Variants in JAKMIP3 observed in about 807,000 individuals in gnomAD.
JAKMIP3 encodes Janus kinase and microtubule interacting protein 3, also known as janus kinase and microtubule-interacting protein 3.
JAKMIP3 carries 58 observed loss-of-function variants against 118.5 expected under a neutral mutation model. The ratio of observed to expected loss-of-function variants is 0.49; its 90% CI spans 0.40 to 0.61. JAKMIP3 has a LOEUF of 0.61. Ranked by LOEUF, JAKMIP3 falls within the 20% of genes least tolerant of loss-of-function variation. The pLI is 0.00. For missense variants in JAKMIP3, 950 were observed against 1,109.0 expected (o/e 0.86, Z 2.04); for synonymous variants, 486 against 451.2 (o/e 1.08, Z -0.98).
In JAKMIP3 at chr10:132,167,087, G is replaced by GTCCCGCTCTGCT. The variant is rs576408629; in HGVS notation, c.*22+38_*22+49dup. 553 of 1,448,666 alleles carry GTCCCGCTCTGCT rather than the reference G, an allele frequency of 3.8e-4. 4 individuals carry two copies. The African/African-American group carries it at 6.1e-3, about 16-fold the overall frequency. 89.7% of individuals were successfully genotyped at this position (1,448,666 alleles called of 1,614,324 possible). A position where few individuals can be genotyped will look rare whatever the true frequency, so the allele number is the denominator to read the frequency against. On this transcript the variant is annotated intron_variant, in intron 22 of 23. Transcript: ENST00000684848. ...ATTTCGTTGGCAGGGCCCAGCAGGG[G>GTCCCGCTCTGCT]TCCCGCTCTGCTTCCCGGAAGACTC...
At chr10:132,067,858 A>ACGTGTGGACTGTGGGCTTC (rs2039105711) in intron 1 of JAKMIP3, among the ~76,000 whole-genome samples, 1 of 32,594 alleles carries the variant, frequency 3.1e-5, no homozygotes. Flanking sequence ...CTGTGGGCTT[A>ACGTGTGGACTGTGGGCTTC]CGTGTGGACT....
rs1025521651 is a variant in JAKMIP3, at chr10:132,055,460, CT to C, written c.-138+18729del. Among the ~76,000 whole-genome samples, 8 of 152,272 alleles carry C rather than the reference CT, an allele frequency of 5.3e-5. 1 individual carries two copies. The South Asian group carries it at 1.2e-3, about 24-fold the overall frequency. ...GCATAAGAAAATTAAAATGCAACATCTTTTTTTCTTCAATGTTTGGAAAGAA... is the reference window on the plus strand; with the variant it reads ...GCATAAGAAAATTAAAATGCAACATCTTTTTTCTTCAATGTTTGGAAAGAA... On this transcript the variant is annotated intron_variant, in intron 1 of 23. Coordinates refer to the JAKMIP3 transcript ENST00000657785.
At chr10:132,094,641 G>A (rs1420481665) in intron 1 of JAKMIP3, among the ~76,000 whole-genome samples, 5 of 152,150 alleles carry the variant, frequency 3.3e-5, no homozygotes, top group Admixed American at 6.5e-5. Context: ...ACCTGTTCCG[G>A]TGGAGGTGGC....
rs1481803694 is a variant in JAKMIP3, at chr10:132,180,682, CGTGTGTGTGCGTGCGT to C, written c.*1104-1663_*1104-1648del. Among the ~76,000 whole-genome samples the C allele has an allele frequency of 1.5e-3, 8 of 5,492 alleles. 3 individuals carry two copies. The highest frequency in any genetic ancestry group is 2.3e-3 in the Non-Finnish European group (6 of 2,572). The allele number at this position is 5,492 out of a possible 152,430, so 3.6% of individuals were successfully genotyped here. ...GCGTGTGTGCGTGTGTGTGCGCGCG[CGTGTGTGTGCGTGCGT>C]GTGTGTGTGCGCGTGTGTGTGCGTG... On this transcript the variant is annotated intron_variant, in intron 23 of 23. Transcript: ENST00000684848.
intron 8 of JAKMIP3, among the ~76,000 whole-genome samples, chr10:132,137,732 C>T (rs1426427795): frequency 6.6e-6 from 1 of 152,240 alleles, no homozygotes; most frequent in African/African-American, 2.4e-5. Flanking sequence ...TTAAGGGCGC[C>T]AGTCCCCACA....
chr10:132,180,849 G>A lies in JAKMIP3; in HGVS notation c.*1104-1508G>A, dbSNP rs536959498. ...GTGTGTATATATCGTGTGCATGTGT[G>A]TGCTGTGTGTGAGTGGTGTCTTTGG... On this transcript the variant is annotated intron_variant, in intron 23 of 23. Transcript: ENST00000684848. 6.8e-3 allele frequency among the ~76,000 whole-genome samples: 1,031 copies of A among 151,710 alleles called. 8 individuals carry two copies. The highest frequency in any genetic ancestry group is 0.01 in the Non-Finnish European group (683 of 67,902).
At chr10:132,156,307 T>C (rs2057086943) in intron 19 of JAKMIP3, among the ~76,000 whole-genome samples, 1 of 152,180 alleles carries the variant, frequency 6.6e-6, no homozygotes, top group African/African-American at 2.4e-5. Context: ...TGCTGATTGC[T>C]GGCATGGACA....
intron 3 of JAKMIP3, among the ~76,000 whole-genome samples, chr10:132,119,016 G>A (rs116526855): frequency 0.022 from 3,292 of 152,220 alleles, 119 homozygotes; most frequent in African/African-American, 0.074. Context: ...GTAAAGGCTC[G>A]TAACAGAAAC....
Position 132,133,539 on chromosome 10 carries a change from C to G in JAKMIP3, c.849+12C>G. ...ACTCGGGAAGCCCTGTAAGCACCTC[C>G]CAGGCCCACCGGCCCACCCCGTGTC... On this transcript the variant is annotated intron_variant, in intron 4 of 23. Coordinates refer to ENST00000684848, the MANE Select transcript of JAKMIP3 (RefSeq NM_001323087.2). 6.4e-7 allele frequency: 1 copy of G among 1,551,934 alleles called. No individual in the cohort carries two copies. Among genetic ancestry groups the G allele is most frequent in the Non-Finnish European group, 8.7e-7 (1 of 1,148,256 alleles).
Position 132,142,081 on chromosome 10 carries a change from C to A in JAKMIP3, c.1602+33C>A, listed in dbSNP as rs550063137. On this transcript the variant is annotated intron_variant, in intron 11 of 23. Transcript: ENST00000684848. ...TGACTTCCACCGCGCGTTCCGGCCC[C>A]CCTCGTGCCTTCCCGCTTGACCCCG... The A allele has an allele frequency of 3.3e-5, 52 of 1,572,366 alleles. No homozygotes were observed. The African/African-American group carries it at 6.3e-4, about 19-fold the overall frequency.
At chr10:132,127,530 C>CAGGCGT (rs2049858307) in intron 3 of JAKMIP3, among the ~76,000 whole-genome samples, 1 of 152,180 alleles carries the variant, frequency 6.6e-6, no homozygotes. Context: ...GCTGGGATTA[C>CAGGCGT]AGGCGTGAGC....
intron 3 of JAKMIP3, among the ~76,000 whole-genome samples, chr10:132,130,101 C>T (rs543735170): frequency 6.6e-6 from 1 of 152,160 alleles, no homozygotes; most frequent in South Asian, 2.1e-4. Flanking sequence ...GTCACATTTC[C>T]CCCTCATCAT....
chr10:132,040,234 C>T (rs1470756028), intron 1 of JAKMIP3, among the ~76,000 whole-genome samples: 2 of 152,194 alleles, frequency 1.3e-5, no homozygotes, highest in Non-Finnish European at 2.9e-5. Context: ...CCACAGGGCA[C>T]AGAGGCAGCT....
chr10:132,047,666 GTGTCCCCACCCTCCCGTCCCGCCCCC>G (rs1233344589), intron 1 of JAKMIP3, among the ~76,000 whole-genome samples: 13 of 53,432 alleles, frequency 2.4e-4, no homozygotes, highest in African/African-American at 8.4e-4. Flanking sequence ...ACGGAGCTGT[GTGTCCCCACCCTCCCGTCCCGCCCCC>G]CGCAGGCTGG....
intron 1 of JAKMIP3, among the ~76,000 whole-genome samples, chr10:132,092,631 G>A (rs1458338508): frequency 6.6e-6 from 1 of 152,016 alleles, no homozygotes; most frequent in African/African-American, 2.4e-5. Context: ...GTCATTTAAG[G>A]ACTTCTCTAC....
rs1468891164 is a variant in JAKMIP3 at position 132,180,566 on chromosome 10, TGCGTGTGTGTGTGCGTGC to T, written c.*1104-1755_*1104-1738del. 1.9e-3 allele frequency among the ~76,000 whole-genome samples: 60 copies of T among 31,704 alleles called. 22 individuals are homozygous for T. Among genetic ancestry groups the T allele is most frequent in the Admixed American group, 2.2e-3 (7 of 3,164 alleles). The allele number at this position is 31,704 out of a possible 152,430, so 20.8% of individuals were successfully genotyped here. ...GTGTGCGTGCGTGCATGCGTGTGTG[TGCGTGTGTGTGTGCGTGC>T]GCGTGTGTGTGTGCGTGCGCGTGTG... is the stretch of plus-strand genomic sequence containing the variant. On this transcript the variant is annotated intron_variant, in intron 23 of 23. Transcript: ENST00000684848.
chr10:132,144,761 T>A (rs1479403264), intron 11 of JAKMIP3: 1 of 199,884 alleles, frequency 5.0e-6, no homozygotes. Context: ...AAACCCCGTC[T>A]CTACAAAAAA....
rs573043532 is a variant in JAKMIP3, at chr10:132,037,194, G to A, written c.-138+456G>A. Among the ~76,000 whole-genome samples the A allele has an allele frequency of 2.0e-5, 3 of 152,360 alleles. No homozygotes were observed. The South Asian group carries it at 6.2e-4, about 32-fold the overall frequency. On this transcript the variant is annotated intron_variant, in intron 1 of 23. Coordinates refer to the JAKMIP3 transcript ENST00000657785. ...ACGATACGGGAAGCCAGAGAATAAAGGCTTTGGTGGAGGTCGGGAGGAGGC... is the reference window on the plus strand; with the variant it reads ...ACGATACGGGAAGCCAGAGAATAAAAGCTTTGGTGGAGGTCGGGAGGAGGC...
At chr10:132,110,081 G>T (rs532991765) in intron 2 of JAKMIP3, among the ~76,000 whole-genome samples, 112 of 152,320 alleles carry the variant, frequency 7.4e-4, no homozygotes, top group Non-Finnish European at 1.4e-3. Context: ...AAGCACCCGT[G>T]GGGGAGAATC....
Sources: allele counts gnomAD v4.1 joint callset (sites outside exome capture counted in the v4.1 genomes callset), GRCh38; gene constraint gnomAD v4.1.1; transcripts MANE v1.5; gene names NCBI Gene and HGNC (gene_info 2026-07-23, HGNC 2026-07-21).